The following B3GALT1 variants were observed in gnomAD, a reference collection of about 807,000 sequenced individuals.
The protein encoded by B3GALT1 is UDP-Gal:betaGlcNAc beta 1,3-galactosyltransferase, polypeptide 1.
A neutral mutation model predicts 23.2 loss-of-function variants in B3GALT1; 10 were observed. The observed-to-expected ratio is 0.43, with a 90% CI of 0.27 to 0.73. The LOEUF (loss-of-function observed/expected upper bound fraction) is 0.73, where lower values mean the gene tolerates loss of function less well. Ranked by LOEUF, B3GALT1 falls within the 30% of genes least tolerant of loss-of-function variation. The pLI is 0.21. For missense variants in B3GALT1, 299 were observed against 405.4 expected (o/e 0.74, Z 2.25); for synonymous variants, 156 against 141.5 (o/e 1.10, Z -0.73).
intron 3 of B3GALT1, among the ~76,000 whole-genome samples, chr2:167,773,712 T>C (rs1218441161): frequency 6.6e-6 from 1 of 152,238 alleles, no homozygotes; most frequent in Non-Finnish European, 1.5e-5. Context: ...CTATACTTTC[T>C]GTGTTTCTCC....
At chr2:167,847,588 G>T (rs1689788677) in intron 4 of B3GALT1, among the ~76,000 whole-genome samples, 1 of 151,956 alleles carries the variant, frequency 6.6e-6, no homozygotes, top group Non-Finnish European at 1.5e-5. Flanking sequence ...CAGCAAAAAC[G>T]GTGCTAAGAG....
intron 1 of B3GALT1, among the ~76,000 whole-genome samples, chr2:167,438,857 A>G (rs1211697351): frequency 6.6e-6 from 1 of 152,220 alleles, no homozygotes; most frequent in African/African-American, 2.4e-5. Context: ...TGATACTGGG[A>G]GAAAGACAGC....
At chr2:167,348,311 A>G (rs573023395) in intron 1 of B3GALT1, among the ~76,000 whole-genome samples, 1 of 152,146 alleles carries the variant, frequency 6.6e-6, no homozygotes, top group Non-Finnish European at 1.5e-5. Context: ...ATATTGTTTC[A>G]TCTAAATTGT....
chr2:167,823,728 C>T (rs1468297764), intron 4 of B3GALT1, among the ~76,000 whole-genome samples: 5 of 152,206 alleles, frequency 3.3e-5, no homozygotes, highest in Non-Finnish European at 5.9e-5. Flanking sequence ...GTACACAGGC[C>T]AGTGGGGGAA....
At chr2:167,304,554 T>C (rs1266233741) in intron 1 of B3GALT1, among the ~76,000 whole-genome samples, 1 of 152,064 alleles carries the variant, frequency 6.6e-6, no homozygotes, top group African/African-American at 2.4e-5. Flanking sequence ...GAACCACTCT[T>C]GGCAACAAAA....
At chr2:167,448,666 G>T (rs1699040862) in intron 1 of B3GALT1, among the ~76,000 whole-genome samples, 1 of 151,840 alleles carries the variant, frequency 6.6e-6, no homozygotes, top group South Asian at 2.1e-4. Flanking sequence ...TTGCTTTTAG[G>T]TTCTTGCCTA....
chr2:167,444,422 G>C (rs1385654145), intron 1 of B3GALT1, among the ~76,000 whole-genome samples: 1 of 152,150 alleles, frequency 6.6e-6, no homozygotes, highest in African/African-American at 2.4e-5. Flanking sequence ...CTATCGATTA[G>C]AATAGTTTCA....
At chr2:167,674,746 T>C (rs1016237812) in intron 3 of B3GALT1, among the ~76,000 whole-genome samples, 7 of 152,200 alleles carry the variant, frequency 4.6e-5, no homozygotes, top group Admixed American at 2.6e-4. Flanking sequence ...TCAAGCTTTG[T>C]CTGTTTTTTA....
At chr2:167,377,564 T>C (rs1697783853) in intron 1 of B3GALT1, among the ~76,000 whole-genome samples, 1 of 152,182 alleles carries the variant, frequency 6.6e-6, no homozygotes, top group Non-Finnish European at 1.5e-5. Flanking sequence ...AATTGAACTC[T>C]TTATCATGAT....
chr2:167,667,937 T>A (rs1420776311), intron 3 of B3GALT1, among the ~76,000 whole-genome samples: 3 of 152,238 alleles, frequency 2.0e-5, no homozygotes, highest in Non-Finnish European at 4.4e-5. Flanking sequence ...TGAAGCCTTC[T>A]TCTCTCAGCT....
chr2:167,693,575 C>G (rs77108821), intron 3 of B3GALT1, among the ~76,000 whole-genome samples: 137 of 152,138 alleles, frequency 9.0e-4, no homozygotes, highest in African/African-American at 3.1e-3. Flanking sequence ...AGAGTGATGC[C>G]TCATAAATAG....
At chr2:167,321,360 A>G (rs1279320968) in intron 1 of B3GALT1, among the ~76,000 whole-genome samples, 2 of 152,112 alleles carry the variant, frequency 1.3e-5, no homozygotes, top group Admixed American at 1.3e-4. Context: ...TAGTATGCCA[A>G]CTGTTAGACT....
chr2:167,366,060 A>C (rs1697579566), intron 1 of B3GALT1, among the ~76,000 whole-genome samples: 1 of 152,244 alleles, frequency 6.6e-6, no homozygotes, highest in Non-Finnish European at 1.5e-5. Context: ...GTATTATCAA[A>C]GATGCACTGT....
At chr2:167,858,086 T>A (rs1024753483) in intron 4 of B3GALT1, among the ~76,000 whole-genome samples, 1 of 152,160 alleles carries the variant, frequency 6.6e-6, no homozygotes, top group African/African-American at 2.4e-5. Context: ...GTAAATATTA[T>A]TCGGAAGGCT....
intron 3 of B3GALT1, among the ~76,000 whole-genome samples, chr2:167,674,850 A>G (rs1414713336): frequency 6.6e-6 from 1 of 152,202 alleles, no homozygotes; most frequent in African/African-American, 2.4e-5. Flanking sequence ...CATATTTGTG[A>G]TATGTATATA....
chr2:167,579,680 A>G (rs1684449996), intron 2 of B3GALT1, among the ~76,000 whole-genome samples: 1 of 151,954 alleles, frequency 6.6e-6, no homozygotes, highest in Non-Finnish European at 1.5e-5. Flanking sequence ...ACTTAATTGG[A>G]AGCCATTCCC....
intron 3 of B3GALT1, among the ~76,000 whole-genome samples, chr2:167,740,191 T>C (rs1687558257): frequency 6.6e-6 from 1 of 151,950 alleles, no homozygotes; most frequent in Non-Finnish European, 1.5e-5. Flanking sequence ...TTGGTGCTGC[T>C]CAGATTAGGA....
At chr2:167,709,981 G>A (rs1687024398) in intron 3 of B3GALT1, among the ~76,000 whole-genome samples, 1 of 152,116 alleles carries the variant, frequency 6.6e-6, no homozygotes, top group Non-Finnish European at 1.5e-5. Flanking sequence ...GTATATATTT[G>A]TGTAAGTACA....
At chr2:167,781,380 G>T (rs1233261945) in intron 3 of B3GALT1, among the ~76,000 whole-genome samples, 2 of 152,022 alleles carry the variant, frequency 1.3e-5, no homozygotes, top group African/African-American at 4.8e-5. Flanking sequence ...AATCTAATTG[G>T]TTTTTTCACA....
Sources: allele counts gnomAD v4.1 joint callset (sites outside exome capture counted in the v4.1 genomes callset), GRCh38; gene constraint gnomAD v4.1.1; transcripts MANE v1.5; gene names NCBI Gene and HGNC (gene_info 2026-07-23, HGNC 2026-07-21).